NLGN1: variants seen among roughly 807,000 people sequenced by gnomAD.
NLGN1 encodes the protein neuroligin-1.
Under a neutral mutation model 65.5 loss-of-function variants are expected in NLGN1, and 12 were observed. The observed-to-expected ratio is 0.18, with a 90% CI of 0.12 to 0.30. The LOEUF is 0.30. Among genes scored for constraint, NLGN1 ranks in the 10% least tolerant of loss-of-function variants. The pLI, the probability that NLGN1 is intolerant of heterozygous loss-of-function variation, is 1.00. For synonymous variants in NLGN1, 350 were observed against 359.5 expected (o/e 0.97, Z 0.30); for missense variants, 750 against 1,007.1 (o/e 0.74, Z 3.46).
At chr3:174,216,229 A>G (rs892340285) in intron 4 of NLGN1, among the ~76,000 whole-genome samples, 7 of 152,114 alleles carry the variant, frequency 4.6e-5, no homozygotes, top group African/African-American at 1.7e-4. Flanking sequence ...CACCCTCTGT[A>G]CATCTTGTCC....
chr3:174,289,156 A>G (rs544319354), downstream of NLGN1, among the ~76,000 whole-genome samples: 3 of 151,510 alleles, frequency 2.0e-5, no homozygotes, highest in African/African-American at 7.2e-5. Context: ...GACAGTGTGT[A>G]AAGTACTGAC....
At chr3:173,754,024 C>CTTTTTTTTTTTTTTTTTTTTTT (rs71162358) in intron 3 of NLGN1, among the ~76,000 whole-genome samples, 3 of 121,620 alleles carry the variant, frequency 2.5e-5, no homozygotes, top group South Asian at 2.6e-4. Context: ...TCTTTCTTTT[C>CTTTTTTTTTTTTTTTTTTTTTT]TTTTTTTTTT....
chr3:174,006,121 C>T (rs139380973), intron 4 of NLGN1, among the ~76,000 whole-genome samples: 10 of 152,254 alleles, frequency 6.6e-5, no homozygotes, highest in Admixed American at 2.0e-4. Context: ...TTACTCTTCT[C>T]AATCTCTCTG....
chr3:173,538,092 T>C (rs1737754778), intron 2 of NLGN1, among the ~76,000 whole-genome samples: 1 of 152,060 alleles, frequency 6.6e-6, no homozygotes, highest in Admixed American at 6.6e-5. Context: ...GAAGCAAAAA[T>C]GTTGTAAGTG....
At chr3:174,033,805 T>C (rs1368931699) in intron 4 of NLGN1, among the ~76,000 whole-genome samples, 4 of 151,458 alleles carry the variant, frequency 2.6e-5, no homozygotes, top group African/African-American at 9.7e-5. Context: ...CAAAAAATTA[T>C]ATGACAATTT....
At chr3:174,160,359 C>T (rs938998935) in intron 4 of NLGN1, among the ~76,000 whole-genome samples, 4 of 151,546 alleles carry the variant, frequency 2.6e-5, no homozygotes, top group African/African-American at 9.7e-5. Flanking sequence ...CTCTTCCTCC[C>T]CTGCCCAAAA....
At chr3:174,052,480 T>A (rs979807972) in intron 4 of NLGN1, among the ~76,000 whole-genome samples, 1 of 152,024 alleles carries the variant, frequency 6.6e-6, no homozygotes, top group African/African-American at 2.4e-5. Context: ...ACAAGCAAAG[T>A]TCATTCTGAC....
chr3:174,014,449 G>A (rs758972071), intron 4 of NLGN1, among the ~76,000 whole-genome samples: 2 of 152,086 alleles, frequency 1.3e-5, no homozygotes, highest in South Asian at 2.1e-4. Flanking sequence ...TTCTACTTAC[G>A]CTGCAAGGCA....
At chr3:173,676,799 G>A (rs1231228720) in intron 3 of NLGN1, among the ~76,000 whole-genome samples, 1 of 151,896 alleles carries the variant, frequency 6.6e-6, no homozygotes, top group Admixed American at 6.6e-5. Flanking sequence ...ACAATTATTT[G>A]TCTTCATATG....
intron 4 of NLGN1, among the ~76,000 whole-genome samples, chr3:173,977,105 ACG>A (rs1491346761): frequency 1.6e-4 from 23 of 140,200 alleles, no homozygotes; most frequent in African/African-American, 6.0e-4. Flanking sequence ...ACACACACAC[ACG>A]CACACACACA....
intron 4 of NLGN1, among the ~76,000 whole-genome samples, chr3:173,970,907 A>G (rs1716086021): frequency 1.3e-5 from 2 of 152,104 alleles, no homozygotes; most frequent in African/African-American, 4.8e-5. Flanking sequence ...AGAATTCACT[A>G]GAAATATAGG....
intron 4 of NLGN1, among the ~76,000 whole-genome samples, chr3:174,147,335 T>C (rs1158576559): frequency 6.6e-6 from 1 of 150,666 alleles, no homozygotes. Context: ...AAATTGTTGC[T>C]ACGCGGTGTA....
In NLGN1 at chr3:173,481,442, A is replaced by G. The variant is rs138989835; in HGVS notation, c.-321+46364A>G. ...TCTTATGAATATGTTAATTGATTTT[A>G]CAAAATTTGGATCAAGTATTAAATA... On this transcript the variant is annotated intron_variant, in intron 2 of 6. Transcript: ENST00000457714. Among the ~76,000 whole-genome samples, 21 of 152,120 alleles carry G rather than the reference A, an allele frequency of 1.4e-4. No homozygotes were observed. In the East Asian group the frequency reaches 3.9e-3, roughly 28 times the overall value.
chr3:174,257,640 C>T (rs1746041347), intron 4 of NLGN1, among the ~76,000 whole-genome samples: 1 of 151,788 alleles, frequency 6.6e-6, no homozygotes, highest in Admixed American at 6.6e-5. Context: ...TTACCCTCAA[C>T]AACTAATGCG....
intron 1 of NLGN1, among the ~76,000 whole-genome samples, chr3:173,408,461 G>A (rs1711750804): frequency 6.6e-6 from 1 of 152,124 alleles, no homozygotes. Flanking sequence ...CATCCCTCCT[G>A]ACTCTCCTTG....
chr3:173,568,577 C>T (rs1390787328), intron 2 of NLGN1, among the ~76,000 whole-genome samples: 1 of 152,194 alleles, frequency 6.6e-6, no homozygotes, highest in East Asian at 1.9e-4. Context: ...TGAAATTTTA[C>T]ATTCCTTGAG....
intron 3 of NLGN1, among the ~76,000 whole-genome samples, chr3:173,692,817 T>C (rs552310697): frequency 4.6e-5 from 7 of 152,226 alleles, no homozygotes; most frequent in African/African-American, 1.7e-4. Flanking sequence ...ATCATGAGAA[T>C]AGTCTCTGTG....
intron 4 of NLGN1, among the ~76,000 whole-genome samples, chr3:173,918,545 A>C (rs911540667): frequency 1.3e-5 from 2 of 151,318 alleles, no homozygotes; most frequent in African/African-American, 4.9e-5. Flanking sequence ...AGGCAGGAGA[A>C]TCACTTGAAC....
rs1755109194 is a variant in NLGN1, at chr3:173,628,228, CT to C, written c.493+23139del. ...TTCTTACTGGAGACTGTTTTCTGTT[CT>C]TGTTTATAGGTATGAGAATGTCATT... On this transcript the variant is annotated intron_variant, in intron 3 of 6. Coordinates refer to ENST00000457714, the Ensembl canonical transcript of NLGN1. Among the ~76,000 whole-genome samples the C allele has an allele frequency of 2.6e-5, 4 of 152,154 alleles. No individual in the cohort carries two copies. The South Asian group carries it at 8.3e-4, about 32-fold the overall frequency.
Sources: allele counts gnomAD v4.1 joint callset (sites outside exome capture counted in the v4.1 genomes callset), GRCh38; gene constraint gnomAD v4.1.1; transcripts MANE v1.5; gene names NCBI Gene and HGNC (gene_info 2026-07-23, HGNC 2026-07-21).